CHCHD6: variants seen among roughly 807,000 people sequenced by gnomAD.
The protein encoded by CHCHD6 is MICOS complex subunit MIC25.
Under a neutral mutation model 32.3 loss-of-function variants are expected in CHCHD6, and 28 were observed. The ratio of observed to expected loss-of-function variants is 0.87; its 90% CI spans 0.64 to 1.19. The LOEUF (loss-of-function observed/expected upper bound fraction) is 1.19. Ranked by LOEUF, CHCHD6 falls within the 50% of genes most tolerant of loss-of-function variation. CHCHD6 has a pLI of 0.00. For synonymous variants in CHCHD6, 122 were observed against 117.5 expected, an observed-to-expected ratio of 1.04 and a Z score of -0.25; for missense variants, 333 against 307.0, an observed-to-expected ratio of 1.08 and a Z score of -0.63.
intron 5 of CHCHD6, among the ~76,000 whole-genome samples, chr3:126,910,947 G>A (rs568171681): frequency 1.3e-5 from 2 of 152,238 alleles, no homozygotes; most frequent in East Asian, 3.9e-4. Context: ...GAGGAGTAGG[G>A]ATAGGGCTGA....
chr3:126,861,625 A>T (rs984114709), intron 5 of CHCHD6, among the ~76,000 whole-genome samples: 24 of 146,384 alleles, frequency 1.6e-4, no homozygotes, highest in Non-Finnish European at 2.7e-4. Flanking sequence ...CTCCACCATC[A>T]CCTCCTCCTC....
chr3:126,800,057 C>T (rs553689240), intron 4 of CHCHD6, among the ~76,000 whole-genome samples: 12 of 152,284 alleles, frequency 7.9e-5, no homozygotes, highest in African/African-American at 2.2e-4. Context: ...AAAATCAACA[C>T]TGTGCCAAAT....
Position 126,716,749 on chromosome 3 carries a change from G to A in CHCHD6, c.88-10329G>A, listed in dbSNP as rs766566535. On this transcript the variant is annotated intron_variant, in intron 1 of 7. Transcript: ENST00000290913. ...AAAGTGCTTGGGGTCTGTTGTGCCC[G>A]GAGGTCATAAGTGCTGCAAAGAAAG... 1.1e-4 allele frequency among the ~76,000 whole-genome samples: 16 copies of A among 151,858 alleles called. No individual in the cohort carries two copies. In the South Asian group the frequency reaches 3.3e-3, roughly 32 times the overall value.
rs531442948 is a variant in CHCHD6 at position 126,753,866 on chromosome 3, A to G, written c.411+20644A>G. Among the ~76,000 whole-genome samples the G allele has an allele frequency of 7.9e-5, 12 of 152,318 alleles. No homozygotes were observed. In the South Asian group the frequency reaches 2.3e-3, roughly 29 times the overall value. On this transcript the variant is annotated intron_variant, in intron 4 of 7. Transcript: ENST00000290913. ...GTAGTACTACCTGAGAGGTACCAGCACGTGGCCTGGAGAAGCTCAGCAGTA... is the reference window on the plus strand; with the variant it reads ...GTAGTACTACCTGAGAGGTACCAGCGCGTGGCCTGGAGAAGCTCAGCAGTA...
chr3:126,913,848 G>T (rs56670818), intron 5 of CHCHD6, among the ~76,000 whole-genome samples: 4,342 of 152,304 alleles, frequency 0.029, 135 homozygotes, highest in East Asian at 0.16. Flanking sequence ...GGCCTTTGTG[G>T]CCTGGAGCAG....
At chr3:126,921,796 G>T (rs377241875) in intron 6 of CHCHD6, among the ~76,000 whole-genome samples, 55 of 152,140 alleles carry the variant, frequency 3.6e-4, no homozygotes, top group African/African-American at 1.3e-3. Context: ...GTAAACTCTG[G>T]GACAGTCTTT....
At chr3:126,798,458 G>A (rs916655237) in intron 4 of CHCHD6, among the ~76,000 whole-genome samples, 1 of 152,212 alleles carries the variant, frequency 6.6e-6, no homozygotes, top group Non-Finnish European at 1.5e-5. Flanking sequence ...ATGGGCCACA[G>A]TTTGATCTGG....
At chr3:126,707,068 A>G (rs924512798) in intron 1 of CHCHD6, among the ~76,000 whole-genome samples, 2 of 152,062 alleles carry the variant, frequency 1.3e-5, no homozygotes, top group African/African-American at 4.8e-5. Flanking sequence ...GGAGTTAAAG[A>G]CCAGTCTGGC....
At chr3:126,705,909 A>G (rs1019931820) in intron 1 of CHCHD6, among the ~76,000 whole-genome samples, 29 of 152,170 alleles carry the variant, frequency 1.9e-4, no homozygotes, top group Non-Finnish European at 4.3e-4. Flanking sequence ...ACGCACAGAG[A>G]GAGTGCTTTG....
At chr3:126,939,134 G>A (rs1025270064) in intron 6 of CHCHD6, among the ~76,000 whole-genome samples, 6 of 152,170 alleles carry the variant, frequency 3.9e-5, no homozygotes, top group Admixed American at 3.9e-4. Flanking sequence ...GAGCAGGAGA[G>A]TAAGGTTCCA....
At chr3:126,817,669 G>T (rs187595333) in intron 4 of CHCHD6, among the ~76,000 whole-genome samples, 2 of 152,300 alleles carry the variant, frequency 1.3e-5, no homozygotes, top group Non-Finnish European at 2.9e-5. Context: ...TGAACCTGAT[G>T]CAGTTACTAG....
intron 4 of CHCHD6, among the ~76,000 whole-genome samples, chr3:126,847,893 T>C (rs76162820): frequency 0.018 from 2,745 of 152,266 alleles, 31 homozygotes; most frequent in Middle Eastern, 0.051. Context: ...CAGTCTTTCC[T>C]TCCTCATCTT....
intron 4 of CHCHD6, among the ~76,000 whole-genome samples, chr3:126,746,071 G>A (rs1936487267): frequency 6.6e-6 from 1 of 152,200 alleles, no homozygotes; most frequent in Non-Finnish European, 1.5e-5. Flanking sequence ...GCTGGGCAGG[G>A]TGGCTTAGGG....
chr3:126,920,661 C>A (rs1265495927), intron 6 of CHCHD6, among the ~76,000 whole-genome samples: 2 of 152,248 alleles, frequency 1.3e-5, no homozygotes, highest in Non-Finnish European at 2.9e-5. Context: ...TCCCTTCTCT[C>A]TGGAATCCTG....
intron 4 of CHCHD6, among the ~76,000 whole-genome samples, chr3:126,777,740 T>C (rs1937718066): frequency 6.6e-6 from 1 of 152,246 alleles, no homozygotes; most frequent in South Asian, 2.1e-4. Context: ...TTTCAAAGCT[T>C]AAAGAAAACT....
chr3:126,820,526 G>A (rs933264609), intron 4 of CHCHD6, among the ~76,000 whole-genome samples: 3 of 152,150 alleles, frequency 2.0e-5, no homozygotes, highest in African/African-American at 4.8e-5. Context: ...ACGTCTGTGA[G>A]GTTCACCCAT....
chr3:126,795,417 T>C lies in CHCHD6; in HGVS notation c.412-57230T>C, dbSNP rs553113367. ...TGAATTTTAGTTCTTTTTCCTTTTT[T>C]CTTTTGAACTCATTTGTTAGGAAGC... is the stretch of plus-strand genomic sequence containing the variant. On this transcript the variant is annotated intron_variant, in intron 4 of 7. Coordinates refer to ENST00000290913, the MANE Select transcript of CHCHD6 (RefSeq NM_032343.3). Among the ~76,000 whole-genome samples, 13 of 152,332 alleles carry C rather than the reference T, an allele frequency of 8.5e-5. No individual in the cohort carries two copies. The South Asian group carries it at 2.7e-3, about 32-fold the overall frequency.
At chr3:126,783,340 C>A (rs1015978954) in intron 4 of CHCHD6, among the ~76,000 whole-genome samples, 3 of 152,198 alleles carry the variant, frequency 2.0e-5, no homozygotes, top group Non-Finnish European at 4.4e-5. Flanking sequence ...AAGCCCACAG[C>A]TAATGTTATA....
chr3:126,761,459 A>G (rs1195472966), intron 4 of CHCHD6, among the ~76,000 whole-genome samples: 1 of 152,220 alleles, frequency 6.6e-6, no homozygotes, highest in Non-Finnish European at 1.5e-5. Context: ...GAATGTAATT[A>G]TCTATTTCCA....
Sources: allele counts gnomAD v4.1 joint callset (sites outside exome capture counted in the v4.1 genomes callset), GRCh38; gene constraint gnomAD v4.1.1; transcripts MANE v1.5; gene names NCBI Gene and HGNC (gene_info 2026-07-23, HGNC 2026-07-21).